Variants in PRKCSH observed in about 807,000 individuals in gnomAD.
PRKCSH encodes glucosidase 2 subunit beta.
In PRKCSH, 42 loss-of-function variants were observed where a neutral mutation model predicts 79.7. The observed-to-expected ratio is 0.53, with a 90% CI of 0.41 to 0.68. The LOEUF is 0.68. PRKCSH is among the 30% of genes least tolerant of loss of function. The pLI is 0.00. For missense variants in PRKCSH, 686 were observed against 709.0 expected, an observed-to-expected ratio of 0.97 and a Z score of 0.37; for synonymous variants, 325 against 288.2, an observed-to-expected ratio of 1.13 and a Z score of -1.29.
Position 11,449,363 on chromosome 19 carries a change from C to T in PRKCSH, c.1559C>T (p.Pro520Leu), listed in dbSNP as rs139214550. ...LMELMTPAACPEPPPEAPTED... is the reference protein window; with the variant it reads ...LMELMTPAACLEPPPEAPTED... The stretch of plus-strand genomic sequence containing the variant: ...GAGCTGATGACGCCAGCCGCCTGCC[C>T]GGAGCCACCGCCTGAAGCACCCACC... Residue 520 changes from proline (P) to leucine (L), a missense_variant, in exon 17 of 18, where the codon CCG becomes CTG. By Grantham distance (98) the Pro-to-Leu change is moderately conservative. Transcript: ENST00000677123. This position sits in a 1 kb window ranked among gnomAD's most constrained non-coding sequence, Gnocchi z 6.4. 421 of 1,613,406 alleles carry T rather than the reference C, an allele frequency of 2.6e-4. No homozygotes were observed. Among genetic ancestry groups the T allele is most frequent in the Non-Finnish European group, 3.3e-4 (385 of 1,179,948 alleles).
At chr19:11,435,993 C>A in intron 1 of PRKCSH, 48 bp from the exon 2 acceptor site, 1 of 1,332,298 alleles carries the variant, frequency 7.5e-7, no homozygotes, top group Non-Finnish European at 1.1e-6. Flanking sequence ...ATCCAATTGG[C>A]TGGAAGTAGC....
chr19:11,436,132 G>T lies in PRKCSH; in HGVS notation c.15G>T (p.Leu5=). 1 of 1,608,276 alleles carries T rather than the reference G, an allele frequency of 6.2e-7. No homozygotes were observed. The change falls in exon 2 of 18, where the codon CTG becomes CTT. Residue 5 remains leucine (L), a synonymous_variant. Coordinates refer to ENST00000677123, the MANE Select transcript of PRKCSH (RefSeq NM_001289104.2). MLLP[L]LLLLPMCWAV... ...CGTCTGGTGAGATGCTGTTGCCGCT[G>T]CTGCTGCTGCTACCCATGTGCTGGG...
chr19:11,445,147 C>G (rs973024015), intron 7 of PRKCSH, among the ~76,000 whole-genome samples: 13 of 152,182 alleles, frequency 8.5e-5, no homozygotes, highest in Admixed American at 7.9e-4. Context: ...CCTCCTGCCT[C>G]TGCACTCCCC....
At chr19:11,437,761 C>T in intron 3 of PRKCSH, 115 bp from the exon 4 acceptor site, 1 of 952,830 alleles carries the variant, frequency 1.0e-6, no homozygotes, top group Non-Finnish European at 1.7e-6. Flanking sequence ...CCTTTGGTTT[C>T]CTTTCCTTTC....
chr19:11,437,808 T>C lies in PRKCSH; in HGVS notation c.197-68T>C. On this transcript the variant is annotated intron_variant, in intron 3 of 17. Coordinates refer to ENST00000677123, the MANE Select transcript of PRKCSH (RefSeq NM_001289104.2). Reference sequence around the variant, plus strand: ...GCAGTGTGGGTCAGGGGCTCTTATCTGTGGATGGATGGGACATGTCTGTCC... The same window carrying C: ...GCAGTGTGGGTCAGGGGCTCTTATCCGTGGATGGATGGGACATGTCTGTCC... 3 of 1,374,190 alleles carry C rather than the reference T, an allele frequency of 2.2e-6. No individual in the cohort carries two copies. In the Admixed American group the frequency reaches 5.0e-5, roughly 23 times the overall value. The allele number at this position is 1,374,190 out of a possible 1,614,324, so 85.1% of individuals were successfully genotyped here.
Position 11,447,638 on chromosome 19 carries a change from G to A in PRKCSH, c.1029+20G>A, listed in dbSNP as rs376534235. The A allele has an allele frequency of 1.5e-4, 238 of 1,575,210 alleles. 1 individual carries two copies. The highest frequency in any genetic ancestry group is 1.3e-3 in the Admixed American group (69 of 53,972). On this transcript the variant is annotated intron_variant, in intron 11 of 17. Transcript: ENST00000677123. The surrounding 1 kb of genome is among the most constrained non-coding windows in gnomAD (Gnocchi z 5.6). ...CCCAAGGTCCGTGTTTGGGGGAGAA[G>A]TGGAGACAGAGAGGGTGGGGGAAGG...
At chr19:11,439,740 C>CTGAGTAG (rs1375800839) in intron 5 of PRKCSH, among the ~76,000 whole-genome samples, 3 of 149,456 alleles carry the variant, frequency 2.0e-5, no homozygotes, top group Admixed American at 6.8e-5. Context: ...TCTGCCTTAG[C>CTGAGTAG]CTCCTGAGTA....
At chr19:11,440,960 C>G in intron 5 of PRKCSH, 1 of 419,176 alleles carries the variant, frequency 2.4e-6, no homozygotes, top group Non-Finnish European at 4.5e-6. Flanking sequence ...CCACTGCACC[C>G]AGCTGATCTC....
chr19:11,438,200 C>T, intron 5 of PRKCSH, 76 bp downstream of exon 5: 2 of 1,481,930 alleles, frequency 1.3e-6, no homozygotes, highest in East Asian at 2.3e-5. Flanking sequence ...ATCGGGCCCA[C>T]TCTCTCTTCT....
In PRKCSH at chr19:11,436,398, T is replaced by C. The variant is rs1192126692; in HGVS notation, c.89T>C (p.Phe30Ser). 6.2e-7 allele frequency: 1 copy of C among 1,614,136 alleles called. No homozygotes were observed. The highest frequency in any genetic ancestry group is 8.5e-7 in the Non-Finnish European group (1 of 1,180,000). ...PRGVSLTNHHFYDESKPFTCL... is the reference protein window; with the variant it reads ...PRGVSLTNHHSYDESKPFTCL... ...TTCCTGTACCCCGCAGATCATCACT[T>C]CTACGATGAGTCCAAGCCTTTCACC... is the stretch of plus-strand genomic sequence containing the variant. Residue 30 changes from phenylalanine to serine, a missense_variant, in exon 3 of 18, where the codon TTC becomes TCC. Coordinates refer to ENST00000677123, the MANE Select transcript of PRKCSH (RefSeq NM_001289104.2).
Position 11,436,402 on chromosome 19 carries a change from C to T in PRKCSH, c.93C>T (p.Tyr31=), listed in dbSNP as rs1475259969. ...TGTACCCCGCAGATCATCACTTCTACGATGAGTCCAAGCCTTTCACCTGCC... is the reference window on the plus strand; with the variant it reads ...TGTACCCCGCAGATCATCACTTCTATGATGAGTCCAAGCCTTTCACCTGCC... ...RGVSLTNHHF[Y]DESKPFTCLD... Residue 31 remains tyrosine (Y), a synonymous_variant, in exon 3 of 18, where the codon TAC becomes TAT. Coordinates refer to ENST00000677123, the MANE Select transcript of PRKCSH (RefSeq NM_001289104.2). 4 of 1,614,174 alleles carry T rather than the reference C, an allele frequency of 2.5e-6. No homozygotes were observed. The highest frequency in any genetic ancestry group is 1.1e-5 in the South Asian group (1 of 91,090).
At position 11,449,259 on chromosome 19, in the gene PRKCSH, T is replaced by TC; in HGVS notation, c.1462-3dup. ...ACCCTCTCGAGCACCCGTCTGCCCA[T>TC]CCCCAGGTGCGCCTCCTGTGCGGGA... On this transcript the variant is annotated splice_region_variant and splice_polypyrimidine_tract_variant and intron_variant, in intron 16 of 17. Coordinates refer to ENST00000677123, the MANE Select transcript of PRKCSH (RefSeq NM_001289104.2). The surrounding 1 kb of genome is among the most constrained non-coding windows in gnomAD (Gnocchi z 6.4). 1 of 1,613,594 alleles carries TC rather than the reference T, an allele frequency of 6.2e-7. No homozygotes were observed. Among genetic ancestry groups the TC allele is most frequent in the Non-Finnish European group, 8.5e-7 (1 of 1,179,934 alleles).
intron 6 of PRKCSH, 80 bp from the exon 7 acceptor site, chr19:11,442,306 G>T (rs1011695368): frequency 2.7e-5 from 41 of 1,506,228 alleles, no homozygotes; most frequent in African/African-American, 4.2e-5. Flanking sequence ...CTGCCCTGTG[G>T]AGTAGAGGCA....
rs139037095 is a variant in PRKCSH at position 11,442,033 on chromosome 19, A to C, written c.469-353A>C. On this transcript the variant is annotated intron_variant, in intron 6 of 17. Coordinates refer to ENST00000677123, the MANE Select transcript of PRKCSH (RefSeq NM_001289104.2). ...TCTGTTGGGTAATTTGGAGTTAGCC[A>C]GGTAGAGTGTTCCAGGCTGAAGGAA... Among the ~76,000 whole-genome samples, 91 of 152,360 alleles carry C rather than the reference A, an allele frequency of 6.0e-4. 1 individual carries two copies. The highest frequency in any genetic ancestry group is 3.4e-3 in the Middle Eastern group (1 of 294).
chr19:11,441,073 G>T, intron 5 of PRKCSH, 167 bp from the exon 6 acceptor site: 1 of 742,724 alleles, frequency 1.3e-6, no homozygotes. Flanking sequence ...TTCAAGGACA[G>T]GAATGAAGGA....
intron 9 of PRKCSH, 144 bp from the exon 10 acceptor site, chr19:11,446,930 T>C: frequency 2.4e-6 from 2 of 817,012 alleles, no homozygotes; most frequent in Admixed American, 3.9e-5. Flanking sequence ...CTGGCCGCAG[T>C]GCCTCACTGG....
rs752000491 is a variant in PRKCSH at position 11,447,645 on chromosome 19, CAGAG to C, written c.1029+30_1029+33del. On this transcript the variant is annotated intron_variant, in intron 11 of 17. Transcript: ENST00000677123. This position sits in a 1 kb window ranked among gnomAD's most constrained non-coding sequence, Gnocchi z 5.6. ...TCCGTGTTTGGGGGAGAAGTGGAGACAGAGAGGGTGGGGGAAGGGCTACTCACTG... is the reference window on the plus strand; with the variant it reads ...TCCGTGTTTGGGGGAGAAGTGGAGACAGGGTGGGGGAAGGGCTACTCACTG... 5.3e-5 allele frequency: 83 copies of C among 1,571,142 alleles called. No homozygotes were observed. The highest frequency in any genetic ancestry group is 1.6e-4 in the East Asian group (7 of 42,898).
In PRKCSH at chr19:11,449,790, C is replaced by T. The variant is rs755925875; in HGVS notation, c.*16+362C>T. On this transcript the variant is annotated intron_variant, in intron 17 of 17. Coordinates refer to ENST00000677123, the MANE Select transcript of PRKCSH (RefSeq NM_001289104.2). This position sits in a 1 kb window ranked among gnomAD's most constrained non-coding sequence, Gnocchi z 6.4. ...CCTCAGATGATCCACCTGCCTTGGC[C>T]TCCCAAAGTGCTGGGATTACAGGCA... is the stretch of plus-strand genomic sequence containing the variant. The T allele has an allele frequency of 2.3e-4, 72 of 307,800 alleles. No individual in the cohort carries two copies. Among genetic ancestry groups the T allele is most frequent in the Admixed American group, 4.0e-4 (9 of 22,630 alleles). 19.1% of individuals were successfully genotyped at this position (307,800 alleles called of 1,614,324 possible). A position where few individuals can be genotyped will look rare whatever the true frequency, so the allele number is the denominator to read the frequency against.
intron 7 of PRKCSH, among the ~76,000 whole-genome samples, chr19:11,443,859 T>C (rs1289568857): frequency 6.6e-6 from 1 of 152,128 alleles, no homozygotes; most frequent in African/African-American, 2.4e-5. Context: ...CACTGCAACC[T>C]CTACCTCCTG....
Sources: allele counts gnomAD v4.1 joint callset (sites outside exome capture counted in the v4.1 genomes callset), GRCh38; gene constraint gnomAD v4.1.1; non-coding constraint Gnocchi (gnomAD v3.1); transcripts MANE v1.5; gene names NCBI Gene and HGNC (gene_info 2026-07-23, HGNC 2026-07-21).